Variants in RNF157 observed in about 807,000 individuals in gnomAD.
The protein encoded by RNF157 is ring finger protein 157.
Under a neutral mutation model 88.3 loss-of-function variants are expected in RNF157, and 55 were observed. The observed-to-expected ratio is 0.62, with a 90% CI of 0.50 to 0.78. The LOEUF (loss-of-function observed/expected upper bound fraction) is 0.78. Ranked by LOEUF, RNF157 falls within the 30% of genes least tolerant of loss-of-function variation. The probability of loss-of-function intolerance (pLI) is 0.00; values close to 1 mark genes in which losing one functional copy is unlikely to be tolerated. For missense variants in RNF157, 788 were observed against 860.8 expected (o/e 0.92, Z 1.06); for synonymous variants, 334 against 341.2 (o/e 0.98, Z 0.23).
chr17:76,181,964 T>G (rs1329533490), intron 2 of RNF157, among the ~76,000 whole-genome samples: 1 of 151,722 alleles, frequency 6.6e-6, no homozygotes, highest in Non-Finnish European at 1.5e-5. Context: ...ACAAAGACAT[T>G]TACCCATTCA....
intron 2 of RNF157, among the ~76,000 whole-genome samples, chr17:76,208,354 C>T (rs576060093): frequency 3.3e-5 from 5 of 152,334 alleles, no homozygotes; most frequent in African/African-American, 1.2e-4. Flanking sequence ...ATGGTTCAGG[C>T]TCTGGAGCCA....
chr17:76,157,315 G>A lies in RNF157; in HGVS notation c.1414-994C>T, dbSNP rs117235875. ...GCTACTGAAACCCTCTCCTGGCTGGGTCTGTCTCCCGTCTAGTCCAGGCTG... is the reference window on the plus strand; with the variant it reads ...GCTACTGAAACCCTCTCCTGGCTGGATCTGTCTCCCGTCTAGTCCAGGCTG... On this transcript the variant is annotated intron_variant, in intron 13 of 18. Coordinates refer to ENST00000269391, the MANE Select transcript of RNF157 (RefSeq NM_052916.3). This position sits in a 1 kb window ranked among gnomAD's most constrained non-coding sequence, Gnocchi z 5.6. Among the ~76,000 whole-genome samples, 393 of 152,314 alleles carry A rather than the reference G, an allele frequency of 2.6e-3. 9 individuals are homozygous for A. The East Asian group carries it at 0.042, about 16-fold the overall frequency.
intron 11 of RNF157, 101 bp from the exon 12 acceptor site, chr17:76,159,674 T>C (rs548504271): frequency 1.2e-6 from 1 of 843,846 alleles, no homozygotes; most frequent in East Asian, 2.5e-5. Context: ...TTTATATCTG[T>C]TCTTGGGGGG....
chr17:76,229,657 T>C (rs2145073206), intron 1 of RNF157, among the ~76,000 whole-genome samples: 1 of 152,338 alleles, frequency 6.6e-6, no homozygotes, highest in Middle Eastern at 3.4e-3. Flanking sequence ...TCAAGGGCAC[T>C]TTATCTGAAG....
At chr17:76,227,610 G>A (rs1454067804) in intron 1 of RNF157, among the ~76,000 whole-genome samples, 1 of 151,706 alleles carries the variant, frequency 6.6e-6, no homozygotes, top group Non-Finnish European at 1.5e-5. Flanking sequence ...CGGCATGGTG[G>A]CTCACGCCTG....
At chr17:76,164,647 G>A in intron 8 of RNF157, 101 bp downstream of exon 8, 3 of 626,060 alleles carry the variant, frequency 4.8e-6, no homozygotes, top group South Asian at 5.8e-5. Flanking sequence ...AGAGCAAAAA[G>A]TAAAACAAAA....
In RNF157 at chr17:76,162,659, T is replaced by C. The variant is rs1200199966; in HGVS notation, c.721-36A>G. 3 of 1,517,286 alleles carry C rather than the reference T, an allele frequency of 2.0e-6. No homozygotes were observed. The African/African-American group carries it at 4.2e-5, about 21-fold the overall frequency. The allele number at this position is 1,517,286 out of a possible 1,614,324, so 94.0% of individuals were successfully genotyped here. A position where few individuals can be genotyped will look rare whatever the true frequency, so the allele number is the denominator to read the frequency against. ...AACAGAAAGGTTCAAGGACAGGCTG[T>C]CTCTACTGAGAGACAAGAGTGGGAA... On this transcript the variant is annotated intron_variant, in intron 8 of 18. Coordinates refer to ENST00000269391, the MANE Select transcript of RNF157 (RefSeq NM_052916.3).
At chr17:76,152,938 G>A (rs1473747356) in intron 17 of RNF157, among the ~76,000 whole-genome samples, 1 of 152,174 alleles carries the variant, frequency 6.6e-6, no homozygotes, top group Non-Finnish European at 1.5e-5. Flanking sequence ...AGGTCTTAGG[G>A]TCCATAATTT....
chr17:76,165,667 C>T (rs1423895209), intron 6 of RNF157, 122 bp from the exon 7 acceptor site: 6 of 983,730 alleles, frequency 6.1e-6, no homozygotes, highest in East Asian at 2.5e-5. Flanking sequence ...AGAAGGGGCA[C>T]GTTATATAAC....
chr17:76,147,358 A>ACACATG (rs1385145230), intron 18 of RNF157: 1 of 986,732 alleles, frequency 1.0e-6, no homozygotes, highest in East Asian at 1.1e-4. Flanking sequence ...GAGAGAAGAC[A>ACACATG]CACATGCATG....
chr17:76,220,370 G>A (rs2069959938), intron 1 of RNF157, among the ~76,000 whole-genome samples: 1 of 135,256 alleles, frequency 7.4e-6, no homozygotes, highest in East Asian at 2.1e-4. Context: ...AAGTCAATGA[G>A]TTCGTAATGA....
intron 1 of RNF157, among the ~76,000 whole-genome samples, chr17:76,218,968 G>C (rs923597148): frequency 2.0e-5 from 3 of 151,762 alleles, no homozygotes; most frequent in Non-Finnish European, 2.9e-5. Context: ...TAAAAACAAA[G>C]AAAATACAGT....
intron 1 of RNF157, among the ~76,000 whole-genome samples, chr17:76,218,044 T>G (rs2069919581): frequency 6.6e-6 from 1 of 152,152 alleles, no homozygotes; most frequent in Admixed American, 6.5e-5. Flanking sequence ...TGCTTAAAAA[T>G]GGTTACTATG....
At chr17:76,154,537 G>C (rs972800062) in intron 16 of RNF157, 2 of 571,430 alleles carry the variant, frequency 3.5e-6, no homozygotes, top group Non-Finnish European at 6.3e-6. Flanking sequence ...GATTAGATCC[G>C]AGCCACATTA....
At chr17:76,237,050 T>C (rs1480705208) in intron 1 of RNF157, among the ~76,000 whole-genome samples, 2 of 152,252 alleles carry the variant, frequency 1.3e-5, no homozygotes, top group Non-Finnish European at 2.9e-5. Flanking sequence ...TCTTTTAAAG[T>C]TTGAACCGTG....
intron 2 of RNF157, among the ~76,000 whole-genome samples, chr17:76,196,382 G>A (rs1373734031): frequency 6.6e-6 from 1 of 152,242 alleles, no homozygotes; most frequent in Non-Finnish European, 1.5e-5. Flanking sequence ...AGGAGCAGAA[G>A]GGGAGCTTCT....
chr17:76,206,696 G>A (rs1167356141), intron 2 of RNF157, among the ~76,000 whole-genome samples: 3 of 152,172 alleles, frequency 2.0e-5, no homozygotes, highest in Non-Finnish European at 2.9e-5. Flanking sequence ...AGGCTGGACT[G>A]CAATGGCGTG....
intron 1 of RNF157, chr17:76,226,577 T>C: frequency 6.2e-7 from 1 of 1,613,564 alleles, no homozygotes; most frequent in South Asian, 1.1e-5. Flanking sequence ...AGAGAAGGCA[T>C]CCTCCTTGCT....
chr17:76,181,785 G>C lies in RNF157; in HGVS notation c.208-7995C>G, dbSNP rs954981179. On this transcript the variant is annotated intron_variant, in intron 2 of 18. Transcript: ENST00000269391. ...CAGCTGGGTGTGGTGGCGTGTGCCT[G>C]TACTCCCAGTTACTCAGAAGGCTGA... Among the ~76,000 whole-genome samples, 3 of 150,718 alleles carry C rather than the reference G, an allele frequency of 2.0e-5. 1 individual carries two copies. Among genetic ancestry groups the C allele is most frequent in the Non-Finnish European group, 4.4e-5 (3 of 67,674 alleles).
Sources: gnomAD v4.1 joint callset for allele counts (sites outside exome capture counted in the v4.1 genomes callset) on GRCh38, gnomAD v4.1.1 for gene constraint, Gnocchi (gnomAD v3.1) non-coding constraint, MANE v1.5 for transcripts, NCBI Gene and HGNC (gene_info 2026-07-23, HGNC 2026-07-21) for gene names.